The following SOX5 variants were observed in gnomAD, a reference collection of about 807,000 sequenced individuals.
SOX5 encodes SRY-box transcription factor 5, also known as transcription factor SOX-5.
Under a neutral mutation model 92.0 loss-of-function variants are expected in SOX5, and 9 were observed. The observed-to-expected ratio is 0.10, with a 90% CI of 0.06 to 0.17. The LOEUF (loss-of-function observed/expected upper bound fraction) is 0.17, where lower values mean the gene tolerates loss of function less well. SOX5 is among the 10% of genes least tolerant of loss of function. The pLI is 1.00. For synonymous variants in SOX5, 344 were observed against 336.3 expected (o/e 1.02, Z -0.25); for missense variants, 642 against 944.5 (o/e 0.68, Z 4.20).
chr12:24,334,592 T>C (rs1951687558), intron 2 of SOX5, among the ~76,000 whole-genome samples: 1 of 152,176 alleles, frequency 6.6e-6, no homozygotes, highest in Non-Finnish European at 1.5e-5. Context: ...CAATGGAAAG[T>C]TACCAAAAGC....
intron 1 of SOX5, among the ~76,000 whole-genome samples, chr12:24,547,336 C>A (rs923378182): frequency 3.2e-4 from 48 of 151,518 alleles, no homozygotes; most frequent in Non-Finnish European, 3.1e-4. Context: ...GGACTACAGG[C>A]GCCCGCCACC....
intron 6 of SOX5, among the ~76,000 whole-genome samples, chr12:23,685,181 T>C (rs911395172): frequency 2.6e-5 from 4 of 152,128 alleles, no homozygotes; most frequent in Admixed American, 2.0e-4. Flanking sequence ...AAAGAAGGCC[T>C]TCTTTTCTCT....
chr12:23,756,635 G>C (rs1182319247), intron 3 of SOX5, among the ~76,000 whole-genome samples: 1 of 151,898 alleles, frequency 6.6e-6, no homozygotes, highest in African/African-American at 2.4e-5. Flanking sequence ...TTAGAAGATG[G>C]AATGTACTAA....
At chr12:23,549,631 G>T (rs1591969755) in intron 11 of SOX5, among the ~76,000 whole-genome samples, 1 of 151,908 alleles carries the variant, frequency 6.6e-6, no homozygotes, top group Non-Finnish European at 1.5e-5. Flanking sequence ...GGCAAAAAGA[G>T]ATTAATTACA....
At position 23,869,984 on chromosome 12, in the gene SOX5, T is replaced by A. The variant is rs191530106; in HGVS notation, c.271-23791A>T. On this transcript the variant is annotated intron_variant, in intron 2 of 14. Coordinates refer to ENST00000451604, the MANE Select transcript of SOX5 (RefSeq NM_006940.6). ...GTTGAAATCCAATATATTTTATACATAGCAGATATTAAATATTAGCTTAAT... is the reference window on the plus strand; with the variant it reads ...GTTGAAATCCAATATATTTTATACAAAGCAGATATTAAATATTAGCTTAAT... Among the ~76,000 whole-genome samples, 12 of 152,274 alleles carry A rather than the reference T, an allele frequency of 7.9e-5. No homozygotes were observed. In the East Asian group the frequency reaches 1.9e-3, roughly 24 times the overall value.
intron 3 of SOX5, among the ~76,000 whole-genome samples, chr12:24,226,464 T>TTTTA (rs772969693): frequency 1.9e-4 from 29 of 152,016 alleles, no homozygotes; most frequent in East Asian, 5.8e-4. Context: ...TTCCTCATTA[T>TTTTA]TTTATTTATT....
At chr12:24,130,610 T>G (rs1184585885) in intron 4 of SOX5, among the ~76,000 whole-genome samples, 1 of 152,116 alleles carries the variant, frequency 6.6e-6, no homozygotes, top group Non-Finnish European at 1.5e-5. Context: ...GACCAATGAC[T>G]ATAGACATAG....
chr12:24,263,401 G>A (rs6487382), intron 3 of SOX5, among the ~76,000 whole-genome samples: 101,063 of 150,928 alleles, frequency 0.67, 36,002 homozygotes, highest in East Asian at 0.95. Context: ...GGTGGCGGGG[G>A]CCTGTAGTCC....
At chr12:24,176,977 G>GTTTTTTTTTTTTTTTTTTTTTTTT (rs11295163) in intron 4 of SOX5, among the ~76,000 whole-genome samples, 1 of 135,102 alleles carries the variant, frequency 7.4e-6, no homozygotes, top group African/African-American at 2.8e-5. Flanking sequence ...TTTGTTTTTT[G>GTTTTTTTTTTTTTTTTTTTTTTTT]TTTTTTTTTT....
At chr12:24,022,203 G>A (rs1160387719) in intron 4 of SOX5, among the ~76,000 whole-genome samples, 4 of 152,118 alleles carry the variant, frequency 2.6e-5, no homozygotes, top group Non-Finnish European at 4.4e-5. Context: ...TCCTATTAAG[G>A]CTGTGAGAAA....
chr12:24,098,544 T>C (rs2137921886), intron 4 of SOX5, among the ~76,000 whole-genome samples: 1 of 152,268 alleles, frequency 6.6e-6, no homozygotes, highest in East Asian at 1.9e-4. Flanking sequence ...AACGGTCCAA[T>C]GCATTTACAA....
chr12:24,416,018 T>A (rs1043706467), intron 1 of SOX5, among the ~76,000 whole-genome samples: 1 of 152,134 alleles, frequency 6.6e-6, no homozygotes. Flanking sequence ...ATCCTGGACA[T>A]TGAAATTCTT....
At chr12:23,900,395 C>T (rs532449765) in intron 1 of SOX5, among the ~76,000 whole-genome samples, 112 of 152,238 alleles carry the variant, frequency 7.4e-4, no homozygotes, top group African/African-American at 2.6e-3. Context: ...GCCTTATAAT[C>T]ACTCTGCAAG....
chr12:24,303,227 G>C (rs759850820), intron 2 of SOX5, among the ~76,000 whole-genome samples: 56 of 152,268 alleles, frequency 3.7e-4, no homozygotes, highest in Non-Finnish European at 5.9e-4. Flanking sequence ...CATTAAAAAT[G>C]AGTAAAATTC....
At chr12:24,163,505 CTTT>C (rs34073608) in intron 4 of SOX5, among the ~76,000 whole-genome samples, 2 of 141,808 alleles carry the variant, frequency 1.4e-5, no homozygotes, top group African/African-American at 5.2e-5. Flanking sequence ...TTTTTAATTC[CTTT>C]TTTTTTTTTT....
intron 1 of SOX5, among the ~76,000 whole-genome samples, chr12:23,922,880 A>G (rs1403700296): frequency 2.0e-5 from 3 of 152,162 alleles, no homozygotes; most frequent in Non-Finnish European, 4.4e-5. Context: ...ACGGGTAGAA[A>G]GAAGATTCTG....
intron 1 of SOX5, among the ~76,000 whole-genome samples, chr12:24,545,486 G>A (rs1455747390): frequency 1.3e-5 from 2 of 150,828 alleles, no homozygotes; most frequent in Admixed American, 6.6e-5. Context: ...TGGACAAGGG[G>A]TTTAAAAAGG....
chr12:23,589,498 T>G (rs976281576), intron 9 of SOX5, among the ~76,000 whole-genome samples: 7 of 151,876 alleles, frequency 4.6e-5, no homozygotes, highest in African/African-American at 1.7e-4. Flanking sequence ...ACACCTTTCC[T>G]AATTTCAAGA....
chr12:23,580,766 C>T (rs1949931499), intron 9 of SOX5, among the ~76,000 whole-genome samples: 1 of 151,984 alleles, frequency 6.6e-6, no homozygotes, highest in African/African-American at 2.4e-5. Flanking sequence ...AAGCTAACAT[C>T]TCAATACCAG....
Sources: gnomAD v4.1 joint callset for allele counts (sites outside exome capture counted in the v4.1 genomes callset) on GRCh38, gnomAD v4.1.1 for gene constraint, MANE v1.5 for transcripts, NCBI Gene and HGNC (gene_info 2026-07-23, HGNC 2026-07-21) for gene names.